CFAP418: variants seen among roughly 807,000 people sequenced by gnomAD.
CFAP418 encodes cilia and flagella associated protein 418.
In CFAP418, 27 loss-of-function variants were observed where a neutral mutation model predicts 24.7. The observed-to-expected ratio is 1.09, with a 90% CI of 0.81 to 1.51. The LOEUF is 1.51. Among genes scored for constraint, CFAP418 ranks in the 40% most tolerant of loss-of-function variants. CFAP418 has a pLI of 0.00. For synonymous variants in CFAP418, 74 were observed against 87.3 expected, an observed-to-expected ratio of 0.85 and a Z score of 0.85; for missense variants, 257 against 255.2, an observed-to-expected ratio of 1.01 and a Z score of -0.05.
rs963425651 is a variant in CFAP418 at position 95,268,878 on chromosome 8, G to A, written c.155+157C>T. The stretch of plus-strand genomic sequence containing the variant: ...ATCCGCGAAGAGGGTCGACGAATGC[G>A]CTGCCGCGGAGGGTAGGGCGCTGAG... On this transcript the variant is annotated intron_variant, in intron 1 of 5. Transcript: ENST00000286688. The A allele has an allele frequency of 6.6e-6, 5 of 757,780 alleles. No individual in the cohort carries two copies. The African/African-American group carries it at 7.0e-5, about 11-fold the overall frequency. The allele number at this position is 757,780 out of a possible 1,614,324, so 46.9% of individuals were successfully genotyped here.
At chr8:95,260,342 C>A in intron 3 of CFAP418, 126 bp downstream of exon 3, 2 of 680,380 alleles carry the variant, frequency 2.9e-6, no homozygotes, top group Non-Finnish European at 4.9e-6. Context: ...GGTCTTTCTC[C>A]TGAAGGCCAA....
intron 1 of CFAP418, among the ~76,000 whole-genome samples, chr8:95,264,200 T>G (rs545656809): frequency 6.6e-6 from 1 of 152,256 alleles, no homozygotes; most frequent in South Asian, 2.1e-4. Context: ...ACCTCTTTAC[T>G]AGAGGGGCCG....
chr8:95,268,106 C>G (rs1812032216), intron 1 of CFAP418, among the ~76,000 whole-genome samples: 1 of 151,992 alleles, frequency 6.6e-6, no homozygotes. Context: ...ATAATTAACC[C>G]TTTTGTAATG....
At chr8:95,250,510 T>C (rs756984212) in intron 5 of CFAP418, among the ~76,000 whole-genome samples, 9 of 152,230 alleles carry the variant, frequency 5.9e-5, no homozygotes, top group Admixed American at 4.6e-4. Flanking sequence ...ATGCATTTTA[T>C]TATCCTATGA....
chr8:95,254,722 G>C (rs1298876653), intron 4 of CFAP418, among the ~76,000 whole-genome samples: 2 of 152,196 alleles, frequency 1.3e-5, no homozygotes, highest in Non-Finnish European at 2.9e-5. Context: ...AAAGAAACTT[G>C]ATGTCTGGAT....
intron 5 of CFAP418, among the ~76,000 whole-genome samples, chr8:95,251,936 G>C (rs138155936): frequency 6.6e-6 from 1 of 152,262 alleles, no homozygotes; most frequent in African/African-American, 2.4e-5. Flanking sequence ...ATGCATTGCA[G>C]TATAATATTA....
chr8:95,260,521 A>C lies in CFAP418; in HGVS notation c.255T>G (p.Ser85=), dbSNP rs1325807815. 1.3e-6 allele frequency: 2 copies of C among 1,582,310 alleles called. No individual in the cohort carries two copies. ...TGACAGATGTGTTACCTGAAGATTT[A>C]GATTTTAATTTCTGTTAAAAAAGCA... ...NLDKKPSKLK[S]KSSGNTSVRA... The change falls in exon 3 of 6, where the codon TCT becomes TCG. Residue 85 remains serine (S), a synonymous_variant. Transcript: ENST00000286688.
intron 4 of CFAP418, among the ~76,000 whole-genome samples, chr8:95,256,112 A>G (rs975483890): frequency 2.6e-5 from 4 of 152,242 alleles, no homozygotes; most frequent in African/African-American, 9.7e-5. Flanking sequence ...CTGAAATTCC[A>G]TCTAACATAG....
chr8:95,262,411 C>G (rs1165391388), intron 2 of CFAP418, among the ~76,000 whole-genome samples: 1 of 152,080 alleles, frequency 6.6e-6, no homozygotes, highest in East Asian at 1.9e-4. Context: ...ATATTCTTAC[C>G]ACAACCATTA....
chr8:95,250,858 C>A (rs147969356), intron 5 of CFAP418, among the ~76,000 whole-genome samples: 2 of 152,116 alleles, frequency 1.3e-5, no homozygotes, highest in East Asian at 1.9e-4. Context: ...CAAAGTGGTT[C>A]TTGATGTGAA....
intron 4 of CFAP418, 143 bp from the exon 5 acceptor site, chr8:95,252,426 A>T (rs937358338): frequency 1.2e-5 from 7 of 594,958 alleles, no homozygotes; most frequent in African/African-American, 1.1e-4. Flanking sequence ...ATCTGATTAT[A>T]AATCTTTATA....
chr8:95,268,711 G>C (rs1426025520), intron 1 of CFAP418: 1 of 173,756 alleles, frequency 5.8e-6, no homozygotes, highest in African/African-American at 2.4e-5. Flanking sequence ...CTGGCAGCCA[G>C]AAACAGGATG....
chr8:95,254,429 G>A (rs1262760488), intron 4 of CFAP418, among the ~76,000 whole-genome samples: 1 of 151,998 alleles, frequency 6.6e-6, no homozygotes, highest in Non-Finnish European at 1.5e-5. Flanking sequence ...CTCTTTTCAG[G>A]GCTGAAATAT....
chr8:95,256,051 T>C (rs190509243), intron 4 of CFAP418, among the ~76,000 whole-genome samples: 3 of 152,350 alleles, frequency 2.0e-5, no homozygotes, highest in Non-Finnish European at 4.4e-5. Context: ...CTTGGACTAA[T>C]AGTATGTGAT....
intron 5 of CFAP418, among the ~76,000 whole-genome samples, 198 bp downstream of exon 5, chr8:95,251,990 G>T (rs1009089726): frequency 6.6e-6 from 1 of 151,878 alleles, no homozygotes; most frequent in South Asian, 2.1e-4. Flanking sequence ...TTTCAACTCC[G>T]TCATAATCTT....
At chr8:95,247,825 T>C in intron 5 of CFAP418, 55 bp from the exon 6 acceptor site, 1 of 1,272,162 alleles carries the variant, frequency 7.9e-7, no homozygotes, top group Non-Finnish European at 1.0e-6. Flanking sequence ...TGCTTAATGA[T>C]TAAAAAAAAA....
chr8:95,247,888 T>C lies in CFAP418; in HGVS notation c.471-118A>G, dbSNP rs369352206. 1,230 of 1,066,614 alleles carry C rather than the reference T, an allele frequency of 1.2e-3. 13 individuals carry two copies. Among genetic ancestry groups the C allele is most frequent in the South Asian group, 0.011 (606 of 57,282 alleles). 66.1% of individuals were successfully genotyped at this position (1,066,614 alleles called of 1,614,324 possible). A position where few individuals can be genotyped will look rare whatever the true frequency, so the allele number is the denominator to read the frequency against. The stretch of plus-strand genomic sequence containing the variant: ...TCTTTTTTTGTTTTTAGGAGTCTCA[T>C]TGTTACTCAGGCTGGATTGCGGTGG... On this transcript the variant is annotated intron_variant, in intron 5 of 5. Coordinates refer to ENST00000286688, the MANE Select transcript of CFAP418 (RefSeq NM_177965.4).
rs1811629997 is a variant in CFAP418 at position 95,246,886 on chromosome 8, G to A, written c.*731C>T. ...TACTTGGAAAATCCAACAATAACCT[G>A]TATGTATTAGGATTTTTGTGATTTT... On this transcript the variant is annotated 3_prime_UTR_variant, in exon 6 of 6. Coordinates refer to ENST00000286688, the MANE Select transcript of CFAP418 (RefSeq NM_177965.4). 6.6e-6 allele frequency: 1 copy of A among 152,110 alleles called. No individual in the cohort carries two copies. The highest frequency in any genetic ancestry group is 2.4e-5 in the African/African-American group (1 of 41,404). 9.4% of individuals were successfully genotyped at this position (152,110 alleles called of 1,614,324 possible). A position where few individuals can be genotyped will look rare whatever the true frequency, so the allele number is the denominator to read the frequency against.
rs1463936938 is a variant in CFAP418, at chr8:95,269,068, T to C, written c.122A>G (p.Asp41Gly). ...KGCGGGTHSS[D>G]RNQAKAKETL... ...CTCTTTCGCCTTGGCTTGGTTCCGGTCGCTACTGTGGGTGCCGCCGCCGCA... is the reference window on the plus strand; with the variant it reads ...CTCTTTCGCCTTGGCTTGGTTCCGGCCGCTACTGTGGGTGCCGCCGCCGCA... The change falls in exon 1 of 6, where the codon GAC becomes GGC. Residue 41 changes from aspartate (D) to glycine (G), a missense_variant. Physicochemically the swap from Asp to Gly is moderately conservative, Grantham distance 94. Transcript: ENST00000286688. 2 of 1,614,096 alleles carry C rather than the reference T, an allele frequency of 1.2e-6. No homozygotes were observed. Among genetic ancestry groups the C allele is most frequent in the East Asian group, 2.2e-5 (1 of 44,856 alleles).
Sources: gnomAD v4.1 joint callset for allele counts (sites outside exome capture counted in the v4.1 genomes callset) on GRCh38, gnomAD v4.1.1 for gene constraint, MANE v1.5 for transcripts, NCBI Gene and HGNC (gene_info 2026-07-23, HGNC 2026-07-21) for gene names.